KAZN: variants seen among roughly 807,000 people sequenced by gnomAD.
KAZN encodes kazrin, periplakin interacting protein.
A neutral mutation model predicts 87.4 loss-of-function variants in KAZN; 40 were observed. The observed-to-expected ratio is 0.46, with a 90% CI of 0.36 to 0.60. KAZN has a LOEUF of 0.60. KAZN is among the 20% of genes least tolerant of loss of function. KAZN has a pLI of 0.00. For synonymous variants in KAZN, 466 were observed against 458.3 expected (o/e 1.02, Z -0.22); for missense variants, 898 against 1,073.9 (o/e 0.84, Z 2.29).
chr1:14,791,598 C>T (rs1430701613), intron 1 of KAZN, among the ~76,000 whole-genome samples: 1 of 152,198 alleles, frequency 6.6e-6, no homozygotes, highest in African/African-American at 2.4e-5. Flanking sequence ...CCTCCACTTG[C>T]CCACAAAGTA....
chr1:15,003,895 C>G (rs1026592382), intron 2 of KAZN, among the ~76,000 whole-genome samples: 13 of 152,188 alleles, frequency 8.5e-5, no homozygotes, highest in African/African-American at 2.4e-4. Context: ...GTCCCCTGCC[C>G]ACATACACAC....
intron 1 of KAZN, among the ~76,000 whole-genome samples, chr1:14,000,427 C>T (rs952942716): frequency 4.6e-5 from 7 of 152,166 alleles, no homozygotes; most frequent in African/African-American, 1.2e-4. Flanking sequence ...ATCACATAAA[C>T]GGAAGCGAAG....
intron 2 of KAZN, among the ~76,000 whole-genome samples, chr1:15,009,845 C>T (rs1462385543): frequency 1.3e-5 from 2 of 152,210 alleles, no homozygotes; most frequent in African/African-American, 2.4e-5. Flanking sequence ...ACCCTCCGCT[C>T]GTTCCTCCCC....
chr1:14,962,326 G>T (rs1663971647), intron 2 of KAZN, among the ~76,000 whole-genome samples: 1 of 152,208 alleles, frequency 6.6e-6, no homozygotes, highest in Non-Finnish European at 1.5e-5. Flanking sequence ...CTTCTTCTGG[G>T]GTCTTGTTTC....
intron 7 of KAZN, 45 bp downstream of exon 7, chr1:15,063,667 C>A (rs1407685821): frequency 6.1e-6 from 9 of 1,468,180 alleles, no homozygotes; most frequent in Non-Finnish European, 8.6e-6. Flanking sequence ...CTCCACCCCA[C>A]CTTGACTACA....
At chr1:14,140,537 C>A (rs904297804) in intron 1 of KAZN, among the ~76,000 whole-genome samples, 8 of 152,102 alleles carry the variant, frequency 5.3e-5, no homozygotes, top group Non-Finnish European at 1.0e-4. Context: ...TCCCACCCCC[C>A]TTTTCGCTAT....
At chr1:14,237,714 G>A (rs1461604131) in intron 2 of KAZN, among the ~76,000 whole-genome samples, 1 of 152,056 alleles carries the variant, frequency 6.6e-6, no homozygotes, top group Admixed American at 6.6e-5. Context: ...AAGGCCATAG[G>A]GATATAAAGA....
At chr1:14,482,829 G>T (rs564311581) in intron 2 of KAZN, among the ~76,000 whole-genome samples, 11 of 152,214 alleles carry the variant, frequency 7.2e-5, no homozygotes, top group South Asian at 2.1e-4. Context: ...CCAAGTCAAC[G>T]GGAGCTAATA....
chr1:14,130,541 G>T (rs6429827), intron 1 of KAZN, among the ~76,000 whole-genome samples: 86,660 of 151,772 alleles, frequency 0.57, 25,971 homozygotes, highest in East Asian at 0.76. Context: ...CAGGTCTTTT[G>T]GGGTGGAGGG....
At chr1:13,991,723 T>G (rs1023282473) in intron 1 of KAZN, among the ~76,000 whole-genome samples, 1 of 152,192 alleles carries the variant, frequency 6.6e-6, no homozygotes, top group Non-Finnish European at 1.5e-5. Context: ...ATAATTTCAA[T>G]GACCATTAGG....
intron 2 of KAZN, among the ~76,000 whole-genome samples, chr1:14,577,948 A>T (rs1297890017): frequency 6.6e-6 from 1 of 152,044 alleles, no homozygotes; most frequent in Admixed American, 6.6e-5. Flanking sequence ...AAAAGTCCAA[A>T]CCCTGTGTTC....
intron 8 of KAZN, among the ~76,000 whole-genome samples, chr1:15,088,630 T>C (rs530125583): frequency 2.0e-5 from 3 of 152,304 alleles, no homozygotes; most frequent in East Asian, 1.9e-4. Context: ...CCAGGATTGA[T>C]GGAATCCGGA....
At chr1:14,175,590 T>C (rs987558603) in intron 1 of KAZN, among the ~76,000 whole-genome samples, 1 of 152,212 alleles carries the variant, frequency 6.6e-6, no homozygotes, top group Non-Finnish European at 1.5e-5. Flanking sequence ...CGAGTTGTAC[T>C]GTGTGTGAGT....
At chr1:14,899,576 A>G (rs1205397361) in intron 1 of KAZN, among the ~76,000 whole-genome samples, 1 of 152,178 alleles carries the variant, frequency 6.6e-6, no homozygotes, top group Non-Finnish European at 1.5e-5. Context: ...TCCTATCCGT[A>G]TGGTAGACAT....
At chr1:14,274,746 A>G (rs545008153) in intron 2 of KAZN, among the ~76,000 whole-genome samples, 76 of 152,174 alleles carry the variant, frequency 5.0e-4, no homozygotes, top group Admixed American at 1.5e-3. Flanking sequence ...TTGTTCTTCA[A>G]TTTCCTCAAA....
chr1:14,982,739 T>G (rs1307221307), intron 2 of KAZN, among the ~76,000 whole-genome samples: 1 of 152,134 alleles, frequency 6.6e-6, no homozygotes, highest in Non-Finnish European at 1.5e-5. Flanking sequence ...CCTGAGATCT[T>G]GAAAGGGATC....
intron 1 of KAZN, among the ~76,000 whole-genome samples, chr1:13,927,414 G>T (rs1640323996): frequency 6.6e-6 from 1 of 152,218 alleles, no homozygotes; most frequent in South Asian, 2.1e-4. Context: ...AAGGGTTTGA[G>T]CAGGAGGAAG....
At chr1:14,436,461 C>T (rs1416021207) in intron 2 of KAZN, among the ~76,000 whole-genome samples, 3 of 151,860 alleles carry the variant, frequency 2.0e-5, no homozygotes, top group African/African-American at 7.3e-5. Flanking sequence ...AACTTTAAAA[C>T]AATCCCAGTA....
At chr1:14,104,650 C>T (rs576618829) in intron 1 of KAZN, among the ~76,000 whole-genome samples, 6 of 152,310 alleles carry the variant, frequency 3.9e-5, no homozygotes, top group East Asian at 1.9e-4. Context: ...CATTCCATCA[C>T]GAACTACTTC....
Sources: gnomAD v4.1 joint callset for allele counts (sites outside exome capture counted in the v4.1 genomes callset) on GRCh38, gnomAD v4.1.1 for gene constraint, MANE v1.5 for transcripts, NCBI Gene and HGNC (gene_info 2026-07-23, HGNC 2026-07-21) for gene names.